Variants in DLG1 observed in about 807,000 individuals in gnomAD.
DLG1 encodes discs large MAGUK scaffold protein 1, also known as disks large homolog 1.
In DLG1, 42 loss-of-function variants were observed where a neutral mutation model predicts 123.4. That is an observed-to-expected ratio of 0.34 (90% CI 0.27 to 0.44). The LOEUF (loss-of-function observed/expected upper bound fraction) is 0.44, where lower values mean the gene tolerates loss of function less well. Ranked by LOEUF, DLG1 falls within the 20% of genes least tolerant of loss-of-function variation. DLG1 has a pLI of 1.00. For missense variants in DLG1, 942 were observed against 1,082.6 expected (o/e 0.87, Z 1.82); for synonymous variants, 317 against 356.2 (o/e 0.89, Z 1.24).
chr3:197,147,318 T>C (rs1016877750), intron 6 of DLG1, among the ~76,000 whole-genome samples: 1 of 152,150 alleles, frequency 6.6e-6, no homozygotes, highest in African/African-American at 2.4e-5. Flanking sequence ...TAAGTCATTA[T>C]ATGAAAAAGA....
At chr3:197,183,785 G>A (rs1714077391) in intron 5 of DLG1, 10 of 1,550,300 alleles carry the variant, frequency 6.5e-6, no homozygotes, top group Middle Eastern at 1.7e-4. Context: ...ATAGAAGTGT[G>A]TTGTTTCCGA....
intron 4 of DLG1, among the ~76,000 whole-genome samples, chr3:197,234,727 G>C: frequency 6.6e-6 from 1 of 152,110 alleles, no homozygotes; most frequent in East Asian, 1.9e-4. Context: ...TATAATCACA[G>C]AAAAATGACT....
At chr3:197,182,503 TAAAGA>T (rs750578282) in intron 5 of DLG1, among the ~76,000 whole-genome samples, 68 of 152,220 alleles carry the variant, frequency 4.5e-4, no homozygotes, top group Admixed American at 1.2e-3. Flanking sequence ...CCAAAAACAG[TAAAGA>T]AATTTATAAA....
At chr3:197,293,909 G>GA (rs3836429) in intron 3 of DLG1, 84,558 of 150,366 alleles carry the variant, frequency 0.56, 24,307 homozygotes, top group East Asian at 0.78. Flanking sequence ...CTTACTGAGA[G>GA]AAAAAACCTT....
At chr3:197,278,685 T>C (rs1167706180) in intron 4 of DLG1, among the ~76,000 whole-genome samples, 4 of 151,570 alleles carry the variant, frequency 2.6e-5, no homozygotes, top group South Asian at 4.2e-4. Flanking sequence ...AACAAAGTTA[T>C]AAGGTCACAA....
intron 4 of DLG1, among the ~76,000 whole-genome samples, chr3:197,247,121 G>C (rs762369300): frequency 6.6e-6 from 1 of 152,204 alleles, no homozygotes; most frequent in Non-Finnish European, 1.5e-5. Flanking sequence ...TAACAAAGCC[G>C]ATGCTTCCTT....
intron 15 of DLG1, among the ~76,000 whole-genome samples, chr3:197,089,889 C>T (rs1756774463): frequency 6.6e-6 from 1 of 152,092 alleles, no homozygotes; most frequent in African/African-American, 2.4e-5. Flanking sequence ...ATTCCCACAT[C>T]ACTGGTAGGG....
At chr3:197,186,648 T>G (rs1385210532) in intron 5 of DLG1, among the ~76,000 whole-genome samples, 6 of 152,128 alleles carry the variant, frequency 3.9e-5, no homozygotes, top group Non-Finnish European at 8.8e-5. Flanking sequence ...AGTTAAAAAT[T>G]TATACTGGAT....
chr3:197,177,763 T>A (rs914899431), intron 5 of DLG1, among the ~76,000 whole-genome samples: 9 of 152,164 alleles, frequency 5.9e-5, no homozygotes, highest in Non-Finnish European at 1.5e-5. Context: ...TATATAGTTA[T>A]CCCAGTTTTG....
At chr3:197,228,529 A>G (rs764614948) in intron 4 of DLG1, among the ~76,000 whole-genome samples, 3 of 152,236 alleles carry the variant, frequency 2.0e-5, no homozygotes, top group African/African-American at 4.8e-5. Flanking sequence ...CTGTTTTTTT[A>G]GTAAACTGAA....
intron 3 of DLG1, among the ~76,000 whole-genome samples, chr3:197,295,536 T>C (rs893444222): frequency 2.6e-5 from 4 of 151,636 alleles, no homozygotes; most frequent in Non-Finnish European, 4.4e-5. Flanking sequence ...TCTAGTTCGG[T>C]GGTTTGCAAA....
At chr3:197,290,946 A>C (rs962760234) in intron 3 of DLG1, among the ~76,000 whole-genome samples, 3 of 151,692 alleles carry the variant, frequency 2.0e-5, no homozygotes, top group Admixed American at 6.6e-5. Context: ...AGACAAAGAA[A>C]AGCTGTGGAA....
At chr3:197,235,663 T>C (rs1745602500) in intron 4 of DLG1, among the ~76,000 whole-genome samples, 1 of 152,182 alleles carries the variant, frequency 6.6e-6, no homozygotes, top group Non-Finnish European at 1.5e-5. Flanking sequence ...CTTAATTGCC[T>C]TCCAAAACAA....
At chr3:197,274,028 A>T (rs866916725) in intron 4 of DLG1, among the ~76,000 whole-genome samples, 3 of 152,134 alleles carry the variant, frequency 2.0e-5, no homozygotes, top group Non-Finnish European at 4.4e-5. Flanking sequence ...GTCCATACTA[A>T]CCAAAGCAAT....
chr3:197,114,155 CA>C (rs1371775835), intron 13 of DLG1, among the ~76,000 whole-genome samples: 1 of 152,024 alleles, frequency 6.6e-6, no homozygotes, highest in African/African-American at 2.4e-5. Context: ...ATGGGAAAGG[CA>C]AAATTTGAAA....
At chr3:197,290,614 A>G (rs1774356910) in intron 3 of DLG1, among the ~76,000 whole-genome samples, 1 of 152,198 alleles carries the variant, frequency 6.6e-6, no homozygotes, top group Non-Finnish European at 1.5e-5. Flanking sequence ...TTATATTAAA[A>G]AAAAGTAAGA....
chr3:197,250,772 T>A (rs1444351811), intron 4 of DLG1, among the ~76,000 whole-genome samples: 1 of 150,414 alleles, frequency 6.6e-6, no homozygotes, highest in Non-Finnish European at 1.5e-5. Context: ...AGGTGGCAGA[T>A]CACTTGAAGT....
At chr3:197,234,138 G>A (rs1048016268) in intron 4 of DLG1, among the ~76,000 whole-genome samples, 3 of 152,186 alleles carry the variant, frequency 2.0e-5, no homozygotes, top group African/African-American at 7.2e-5. Context: ...CAGAGATAAG[G>A]TTTTGAACAG....
intron 5 of DLG1, among the ~76,000 whole-genome samples, chr3:197,160,602 TATA>T (rs1460547884): frequency 2.6e-5 from 4 of 152,150 alleles, no homozygotes; most frequent in Non-Finnish European, 2.9e-5. Flanking sequence ...GCAGTATTAT[TATA>T]ATGATTACAA....
Sources: gnomAD v4.1 joint callset for allele counts (sites outside exome capture counted in the v4.1 genomes callset) on GRCh38, gnomAD v4.1.1 for gene constraint, MANE v1.5 for transcripts, NCBI Gene and HGNC (gene_info 2026-07-23, HGNC 2026-07-21) for gene names.